LRBA: variants seen among roughly 807,000 people sequenced by gnomAD.
The protein encoded by LRBA is LPS responsive beige-like anchor protein, also known as lipopolysaccharide-responsive and beige-like anchor protein.
LRBA carries 176 observed loss-of-function variants against 330.0 expected under a neutral mutation model. The ratio of observed to expected loss-of-function variants is 0.53; its 90% CI spans 0.47 to 0.60. LRBA has a LOEUF of 0.60. Among genes scored for constraint, LRBA ranks in the 20% least tolerant of loss-of-function variants. The probability of loss-of-function intolerance (pLI) is 0.00; values close to 1 mark genes in which losing one functional copy is unlikely to be tolerated. For synonymous variants in LRBA, 1,230 were observed against 1,193.0 expected, an observed-to-expected ratio of 1.03 and a Z score of -0.64; for missense variants, 3,259 against 3,444.8, an observed-to-expected ratio of 0.95 and a Z score of 1.35.
chr4:150,410,332 ATTTC>A (rs1448953449), intron 47 of LRBA, among the ~76,000 whole-genome samples: 4 of 152,148 alleles, frequency 2.6e-5, no homozygotes, highest in Non-Finnish European at 5.9e-5. Flanking sequence ...TTTAGATTTT[ATTTC>A]TTTATCAACC....
At chr4:150,871,645 A>G (rs1364505548) in intron 18 of LRBA, among the ~76,000 whole-genome samples, 192 bp from the exon 19 acceptor site, 1 of 152,140 alleles carries the variant, frequency 6.6e-6, no homozygotes, top group Non-Finnish European at 1.5e-5. Flanking sequence ...TGCTAACTAT[A>G]TAAGCATAGC....
chr4:150,507,231 A>C (rs1761215724), intron 40 of LRBA, among the ~76,000 whole-genome samples: 2 of 151,996 alleles, frequency 1.3e-5, no homozygotes, highest in Admixed American at 1.3e-4. Context: ...AAACTACTTT[A>C]AAGTTCATAT....
chr4:150,402,977 T>C (rs1038977910), intron 47 of LRBA, among the ~76,000 whole-genome samples: 4 of 152,116 alleles, frequency 2.6e-5, no homozygotes, highest in African/African-American at 9.7e-5. Context: ...TTTGCTAGTA[T>C]ATACAGAAGT....
chr4:150,640,042 G>A (rs1778518524), intron 37 of LRBA, among the ~76,000 whole-genome samples: 1 of 150,498 alleles, frequency 6.6e-6, no homozygotes, highest in African/African-American at 2.5e-5. Flanking sequence ...ATTTTTAGTA[G>A]AGATGGGATT....
chr4:150,854,005 T>A (rs1395997997), intron 22 of LRBA, among the ~76,000 whole-genome samples: 1 of 152,040 alleles, frequency 6.6e-6, no homozygotes, highest in African/African-American at 2.4e-5. Context: ...GATTTTTTTA[T>A]CCACAAAAAT....
chr4:150,638,134 C>A (rs1778112359), intron 37 of LRBA, among the ~76,000 whole-genome samples: 1 of 151,320 alleles, frequency 6.6e-6, no homozygotes, highest in African/African-American at 2.4e-5. Context: ...TGGGTTCAAG[C>A]AATTCTCCTG....
In LRBA at chr4:150,533,345, T is replaced by A. The variant is rs932466233; in HGVS notation, c.6331-42310A>T. 1.2e-4 allele frequency among the ~76,000 whole-genome samples: 19 copies of A among 152,070 alleles called. No homozygotes were observed. The South Asian group carries it at 2.3e-3, about 18-fold the overall frequency. On this transcript the variant is annotated intron_variant, in intron 40 of 56. Coordinates refer to ENST00000651943, the MANE Select transcript of LRBA (RefSeq NM_001364905.1). ...ATGTCACCACATCTGGCTAATTTTT[T>A]AATTTTTTTTAAGAGACAGGGTTTC... is the stretch of plus-strand genomic sequence containing the variant.
intron 2 of LRBA, among the ~76,000 whole-genome samples, chr4:150,929,313 T>C (rs1734211611): frequency 6.6e-6 from 1 of 152,182 alleles, no homozygotes; most frequent in Admixed American, 6.5e-5. Context: ...CTTAGGTAAA[T>C]TGCTATCTAC....
chr4:150,284,375 A>G (rs1747900207), intron 54 of LRBA, among the ~76,000 whole-genome samples: 1 of 152,260 alleles, frequency 6.6e-6, no homozygotes, highest in Non-Finnish European at 1.5e-5. Flanking sequence ...GTATATAACA[A>G]GAAGGCAGTA....
chr4:150,777,256 A>C (rs1168087793), intron 34 of LRBA, among the ~76,000 whole-genome samples: 1 of 151,996 alleles, frequency 6.6e-6, no homozygotes, highest in Non-Finnish European at 1.5e-5. Flanking sequence ...ACTGCACCGG[A>C]TCTAAATTCA....
At chr4:150,915,470 G>A in intron 8 of LRBA, 138 bp downstream of exon 8, 1 of 689,748 alleles carries the variant, frequency 1.4e-6, no homozygotes, top group Non-Finnish European at 2.3e-6. Context: ...CTATTAACAT[G>A]CTAGCCAAAT....
At position 150,735,150 on chromosome 4, in the gene LRBA, G is replaced by T. The variant is rs575370227; in HGVS notation, c.5754+108C>A. On this transcript the variant is annotated intron_variant, in intron 36 of 56. Transcript: ENST00000651943. Reference sequence around the variant, plus strand: ...CTATAAACCTAGATTTTAATTTTTTGATGACATATACTATGTTTCTTTGGA... The same window carrying T: ...CTATAAACCTAGATTTTAATTTTTTTATGACATATACTATGTTTCTTTGGA... The T allele has an allele frequency of 8.4e-5, 66 of 786,256 alleles. 1 individual carries two copies. In the South Asian group the frequency reaches 9.9e-4, roughly 12 times the overall value. 48.7% of individuals were successfully genotyped at this position (786,256 alleles called of 1,614,324 possible). A position where few individuals can be genotyped will look rare whatever the true frequency, so the allele number is the denominator to read the frequency against.
chr4:150,267,754 C>A (rs1745552286), intron 56 of LRBA, among the ~76,000 whole-genome samples: 2 of 151,986 alleles, frequency 1.3e-5, no homozygotes, highest in South Asian at 4.1e-4. Context: ...AATTGACAAA[C>A]CTCTAGCTAG....
At chr4:150,711,640 C>T (rs1239513554) in intron 36 of LRBA, among the ~76,000 whole-genome samples, 3 of 152,160 alleles carry the variant, frequency 2.0e-5, no homozygotes, top group Non-Finnish European at 4.4e-5. Flanking sequence ...TAGTAAGATT[C>T]ACTACCTTCT....
At chr4:150,515,833 CTT>C (rs1762275952) in intron 40 of LRBA, among the ~76,000 whole-genome samples, 1 of 151,878 alleles carries the variant, frequency 6.6e-6, no homozygotes. Flanking sequence ...ACATTACACA[CTT>C]AGGAATAATT....
chr4:150,325,977 A>G, intron 48 of LRBA, 79 bp from the exon 49 acceptor site: 1 of 793,470 alleles, frequency 1.3e-6, no homozygotes, highest in Non-Finnish European at 2.2e-6. Context: ...ACCTGAAAAT[A>G]TCATTCCATA....
intron 31 of LRBA, among the ~76,000 whole-genome samples, chr4:150,812,083 G>T (rs17027127): frequency 6.6e-6 from 1 of 152,096 alleles, no homozygotes; most frequent in South Asian, 2.1e-4. Context: ...AAATACACCA[G>T]TAATTTCACA....
intron 4 of LRBA, among the ~76,000 whole-genome samples, chr4:150,923,769 G>T (rs571853614): frequency 1.4e-3 from 210 of 152,244 alleles, no homozygotes; most frequent in African/African-American, 4.8e-3. Flanking sequence ...ATTCCTCCTT[G>T]TTAAAAATGT....
At chr4:150,873,921 T>C (rs1753724081) in intron 17 of LRBA, among the ~76,000 whole-genome samples, 1 of 152,170 alleles carries the variant, frequency 6.6e-6, no homozygotes, top group African/African-American at 2.4e-5. Flanking sequence ...TCCAGGTCCA[T>C]ATCACATTGT....
Sources: gnomAD v4.1 joint callset for allele counts (sites outside exome capture counted in the v4.1 genomes callset) on GRCh38, gnomAD v4.1.1 for gene constraint, MANE v1.5 for transcripts, NCBI Gene and HGNC (gene_info 2026-07-23, HGNC 2026-07-21) for gene names.